The following PLXND1 variants were observed in gnomAD, a reference collection of about 807,000 sequenced individuals.
PLXND1 encodes plexin D1, also known as plexin-D1.
In PLXND1, 54 loss-of-function variants were observed where a neutral mutation model predicts 197.7. The observed-to-expected ratio is 0.27, with a 90% CI of 0.22 to 0.34. PLXND1 has a LOEUF of 0.34. PLXND1 is among the 10% of genes least tolerant of loss of function. PLXND1 has a pLI of 1.00. For missense variants in PLXND1, 2,127 were observed against 2,699.2 expected (o/e 0.79, Z 4.70); for synonymous variants, 1,180 against 1,161.2 (o/e 1.02, Z -0.33).
At position 129,571,116 on chromosome 3, in the gene PLXND1, T is replaced by A; in HGVS notation, c.3524A>T (p.Asn1175Ile). Residue 1175 changes from asparagine to isoleucine, a missense_variant, in exon 18 of 36, where the codon AAC becomes ATC. By Grantham distance (149) the Asn-to-Ile change is moderately radical. Around this residue, in one of 6 missense-constraint regions of PLXND1, gnomAD observed 532 missense variants for 811.0 expected, o/e 0.66. Transcript: ENST00000324093. ...CCTCTTGGCCGTAGAGAACTGTGGG[T>A]TGGGGAGGTAGTCCAGGCGGAACCT... ...GSRFRLDYLP[N>I]PQFSTAKREK... 6.2e-7 allele frequency: 1 copy of A among 1,614,126 alleles called. No individual in the cohort carries two copies.
At chr3:129,588,491 C>T (rs967420701) in intron 2 of PLXND1, among the ~76,000 whole-genome samples, 15 of 152,218 alleles carry the variant, frequency 9.9e-5, no homozygotes, top group Middle Eastern at 3.2e-3. Context: ...TGACCCCAAA[C>T]CACGAGCCCC....
Position 129,589,335 on chromosome 3 carries a change from C to T in PLXND1, c.1488+16G>A, listed in dbSNP as rs779703580. The T allele has an allele frequency of 3.0e-5, 32 of 1,082,648 alleles. No individual in the cohort carries two copies. The highest frequency in any genetic ancestry group is 6.3e-4 in the Middle Eastern group (2 of 3,150). 67.1% of individuals were successfully genotyped at this position (1,082,648 alleles called of 1,614,324 possible). ...TCCCACCCCCACCCCCTCCCCACAT[C>T]CCCAACCATACCTACCTTGAGAAGC... On this transcript the variant is annotated intron_variant, in intron 2 of 35. Coordinates refer to ENST00000324093, the MANE Select transcript of PLXND1 (RefSeq NM_015103.3).
intron 2 of PLXND1, 39 bp from the exon 3 acceptor site, chr3:129,586,758 G>T: frequency 6.3e-7 from 1 of 1,587,058 alleles, no homozygotes; most frequent in Non-Finnish European, 8.6e-7. Flanking sequence ...GGAGCCCATA[G>T]CAGGGGAGGC....
chr3:129,565,302 C>A, intron 25 of PLXND1, 38 bp downstream of exon 25: 1 of 1,577,332 alleles, frequency 6.3e-7, no homozygotes, highest in Non-Finnish European at 8.7e-7. Flanking sequence ...CCTGCCACGT[C>A]CCCCGCCTGG....
intron 1 of PLXND1, among the ~76,000 whole-genome samples, chr3:129,600,119 A>C (rs2085686100): frequency 6.6e-6 from 1 of 152,226 alleles, no homozygotes; most frequent in Admixed American, 6.5e-5. Flanking sequence ...TGGACTCCTC[A>C]GCCCGGGCAC....
Position 129,606,408 on chromosome 3 carries a change from G to T in PLXND1, c.232C>A (p.Arg78Ser). 6.8e-7 allele frequency: 1 copy of T among 1,477,010 alleles called. No homozygotes were observed. Among genetic ancestry groups the T allele is most frequent in the Non-Finnish European group, 8.9e-7 (1 of 1,118,188 alleles). 91.5% of individuals were successfully genotyped at this position (1,477,010 alleles called of 1,614,324 possible). The change falls in exon 1 of 36, where the codon CGC becomes AGC. Residue 78 changes from arginine (R) to serine (S), a missense_variant. This residue lies in a region of PLXND1 where 245 missense variants were observed against 267.1 expected (regional missense o/e 0.92). Transcript: ENST00000324093. ...TTGGCGCCCGACAGCTGATAGAGGCGGTTGACGGCCGCCAGGTACACGGTC... is the reference window on the plus strand; with the variant it reads ...TTGGCGCCCGACAGCTGATAGAGGCTGTTGACGGCCGCCAGGTACACGGTC... ...AGTVYLAAVNRLYQLSGANLS... is the reference protein window; with the variant it reads ...AGTVYLAAVNSLYQLSGANLS...
At chr3:129,559,095 A>T (rs769907322) in intron 32 of PLXND1, 9 of 157,228 alleles carry the variant, frequency 5.7e-5, no homozygotes, top group Non-Finnish European at 1.1e-4. Flanking sequence ...GCTGCCCTGC[A>T]CAGAGGCGCC....
rs141945118 is a variant in PLXND1 at position 129,583,646 on chromosome 3, T to C, written c.2162A>G (p.Gln721Arg). 7.6e-4 allele frequency: 1,222 copies of C among 1,612,610 alleles called. 7 individuals are homozygous for C. The African/African-American group carries it at 0.014, about 19-fold the overall frequency. The change falls in exon 8 of 36, where the codon CAG becomes CGG. Residue 721 changes from glutamine to arginine, a missense_variant. Gln to Arg is a conservative substitution (Grantham distance 43). Around this residue, in one of 6 missense-constraint regions of PLXND1, gnomAD observed 1,095 missense variants for 1,259.8 expected, o/e 0.87. Coordinates refer to ENST00000324093, the MANE Select transcript of PLXND1 (RefSeq NM_015103.3). ...CTGGCTGCACCAGAAACAGGGCCAC[T>C]GTGCCGACAGGCAGCTGGTACAGCT... ...HTACTSCLSA[Q>R]WPCFWCSQQH... is the part of the protein sequence containing the mutation.
rs573454450 is a variant in PLXND1, at chr3:129,576,582, G to A, written c.2347-727C>T. Among the ~76,000 whole-genome samples the A allele has an allele frequency of 1.6e-3, 237 of 152,256 alleles. 1 individual carries two copies. Among genetic ancestry groups the A allele is most frequent in the African/African-American group, 5.3e-3 (220 of 41,532 alleles). ...CGCCAACCGGGGACGGTCAGGGCTCGGCCGCTCTGACACCACCCCCAAGGG... is the reference window on the plus strand; with the variant it reads ...CGCCAACCGGGGACGGTCAGGGCTCAGCCGCTCTGACACCACCCCCAAGGG... On this transcript the variant is annotated intron_variant, in intron 9 of 35. Transcript: ENST00000324093.
At chr3:129,589,310 T>TTCC in intron 2 of PLXND1, 41 bp downstream of exon 2, 77 of 501,202 alleles carry the variant, frequency 1.5e-4, no homozygotes, top group South Asian at 2.8e-4. Flanking sequence ...CAGGGGAGCC[T>TTCC]CCCACCCCCA....
At position 129,606,630 on chromosome 3, in the gene PLXND1, G is replaced by C. The variant is rs963148037; in HGVS notation, c.10C>G (p.Arg4Gly). MAP[R>G]AAGGAPLSAR... Reference sequence around the variant, plus strand: ...CTAAGGGGTGCGCCGCCCGCGGCGCGAGGAGCCATCCGGGCGTGCGCGGGC... The same window carrying C: ...CTAAGGGGTGCGCCGCCCGCGGCGCCAGGAGCCATCCGGGCGTGCGCGGGC... The change falls in exon 1 of 36, where the codon CGC becomes GGC. Residue 4 changes from arginine to glycine, a missense_variant. This residue lies in a region of PLXND1 where 245 missense variants were observed against 267.1 expected (regional missense o/e 0.92). Transcript: ENST00000324093. 22 of 1,112,930 alleles carry C rather than the reference G, an allele frequency of 2.0e-5. No individual in the cohort carries two copies. The highest frequency in any genetic ancestry group is 2.4e-5 in the Non-Finnish European group (22 of 913,412). 68.9% of individuals were successfully genotyped at this position (1,112,930 alleles called of 1,614,324 possible).
chr3:129,561,058 T>C (rs563968935), intron 29 of PLXND1: 1 of 493,082 alleles, frequency 2.0e-6, no homozygotes, highest in East Asian at 5.8e-5. Context: ...TGGAGGGACT[T>C]GGAAGGAGGG....
Position 129,556,384 on chromosome 3 carries a change from T to C in PLXND1, c.5706A>G (p.Gln1902=). 1 of 1,614,186 alleles carries C rather than the reference T, an allele frequency of 6.2e-7. No individual in the cohort carries two copies. Among genetic ancestry groups the C allele is most frequent in the African/African-American group, 1.3e-5 (1 of 75,058 alleles). Residue 1902 remains glutamine, a synonymous_variant, in exon 36 of 36, where the codon CAA becomes CAG. Coordinates refer to ENST00000324093, the MANE Select transcript of PLXND1 (RefSeq NM_015103.3). The part of the protein sequence containing the change: ...LEANPTARRT[Q]LQHKFEQVVA... ...CCACCTGCTCAAACTTGTGCTGCAG[T>C]TGTGTCCTCCGGGCCGTGGGGTTGG...
In PLXND1 at chr3:129,558,623, G is replaced by A; in HGVS notation, c.5298-48C>T. On this transcript the variant is annotated intron_variant, in intron 32 of 35. Coordinates refer to ENST00000324093, the MANE Select transcript of PLXND1 (RefSeq NM_015103.3). This position sits in a 1 kb window ranked among gnomAD's most constrained non-coding sequence, Gnocchi z 4.1. Reference sequence around the variant, plus strand: ...CAGTGAGGGTAGGGTGGGGTAGGAAGCAGTCGAGGGACAGTTGTGGAGGAG... The same window carrying A: ...CAGTGAGGGTAGGGTGGGGTAGGAAACAGTCGAGGGACAGTTGTGGAGGAG... 6.3e-7 allele frequency: 1 copy of A among 1,578,552 alleles called. No individual in the cohort carries two copies. Among genetic ancestry groups the A allele is most frequent in the South Asian group, 1.1e-5 (1 of 88,830 alleles).
chr3:129,583,485 C>T, intron 8 of PLXND1, 82 bp downstream of exon 8: 7 of 851,720 alleles, frequency 8.2e-6, no homozygotes, highest in Non-Finnish European at 9.6e-6. Context: ...TATGCAAAGG[C>T]ATTGAAACAT....
At position 129,573,674 on chromosome 3, in the gene PLXND1, C is replaced by G; in HGVS notation, c.2757G>C (p.Arg919=). 4 of 1,613,672 alleles carry G rather than the reference C, an allele frequency of 2.5e-6. No homozygotes were observed. The highest frequency in any genetic ancestry group is 3.4e-6 in the Non-Finnish European group (4 of 1,180,006). The change falls in exon 13 of 36, where the codon CGG becomes CGC. Residue 919 remains arginine, a synonymous_variant. Coordinates refer to ENST00000324093, the MANE Select transcript of PLXND1 (RefSeq NM_015103.3). ...LTIRGRNLGR[R]LSDVAHGVWI... ...ACACGCCGTGGGCCACGTCACTGAGCCGCCGGCCCAGGTTCCTTCCTCGGA... is the reference window on the plus strand; with the variant it reads ...ACACGCCGTGGGCCACGTCACTGAGGCGCCGGCCCAGGTTCCTTCCTCGGA...
At chr3:129,599,661 CT>C (rs1222335961) in intron 1 of PLXND1, among the ~76,000 whole-genome samples, 2 of 152,244 alleles carry the variant, frequency 1.3e-5, no homozygotes, top group African/African-American at 4.8e-5. Context: ...CCTCCCCTGA[CT>C]TCCTCAGGAA....
chr3:129,570,458 T>A lies in PLXND1; in HGVS notation c.3750+328A>T, dbSNP rs548848819. On this transcript the variant is annotated intron_variant, in intron 19 of 35. Coordinates refer to ENST00000324093, the MANE Select transcript of PLXND1 (RefSeq NM_015103.3). ...TGCAAGGAGATAGTGTTCTGGCCCC[T>A]CTCTGCTCCTCCTGCTCCCCTGCCT... Among the ~76,000 whole-genome samples, 5 of 152,238 alleles carry A rather than the reference T, an allele frequency of 3.3e-5. No individual in the cohort carries two copies. The East Asian group carries it at 9.7e-4, about 29-fold the overall frequency.
At chr3:129,583,492 A>C (rs1017229166) in intron 8 of PLXND1, 75 bp downstream of exon 8, 10 of 945,240 alleles carry the variant, frequency 1.1e-5, no homozygotes, top group Middle Eastern at 2.1e-4. Context: ...AGGCATTGAA[A>C]CATTCTCAAC....
Sources: gnomAD v4.1 joint callset for allele counts (sites outside exome capture counted in the v4.1 genomes callset) on GRCh38, gnomAD v4.1.1 for gene constraint, gnomAD v4.1.1 regional missense constraint, Gnocchi (gnomAD v3.1) non-coding constraint, MANE v1.5 for transcripts, NCBI Gene and HGNC (gene_info 2026-07-23, HGNC 2026-07-21) for gene names.